The following SV2B variants were observed in gnomAD, a reference collection of about 807,000 sequenced individuals.
SV2B encodes solute carrier family 22 member B2.
Under a neutral mutation model 73.9 loss-of-function variants are expected in SV2B, and 41 were observed. The observed-to-expected ratio is 0.56, with a 90% CI of 0.43 to 0.72. SV2B has a LOEUF of 0.72. Ranked by LOEUF, SV2B falls within the 30% of genes least tolerant of loss-of-function variation. SV2B has a pLI of 0.00. For missense variants in SV2B, 764 were observed against 857.8 expected, an observed-to-expected ratio of 0.89 and a Z score of 1.37; for synonymous variants, 314 against 314.2, an observed-to-expected ratio of 1.00 and a Z score of 0.01.
chr15:91,176,800 C>T (rs1363885964), intron 1 of SV2B, among the ~76,000 whole-genome samples: 4 of 151,384 alleles, frequency 2.6e-5, no homozygotes, highest in Non-Finnish European at 5.9e-5. Context: ...AGCCCTTTGT[C>T]GGATGAGTAG....
At position 91,292,428 on chromosome 15, in the gene SV2B, C is replaced by A; in HGVS notation, c.1928C>A (p.Thr643Asn). Residue 643 changes from threonine (T) to asparagine (N), a missense_variant, in exon 13 of 13, where the codon ACC (threonine) becomes AAC (asparagine). Coordinates refer to ENST00000394232, the MANE Select transcript of SV2B (RefSeq NM_001323032.3). ...LCKFGAILGN[T>N]IFASFVGITK... Reference sequence around the variant, plus strand: ...AAATTTGGCGCCATCCTGGGAAACACCATCTTTGCTTCTTTTGTTGGGATA... The same window carrying A: ...AAATTTGGCGCCATCCTGGGAAACAACATCTTTGCTTCTTTTGTTGGGATA... The A allele has an allele frequency of 3.7e-6, 6 of 1,614,170 alleles. No individual in the cohort carries two copies. Among genetic ancestry groups the A allele is most frequent in the Non-Finnish European group, 4.2e-6 (5 of 1,180,038 alleles).
intron 1 of SV2B, among the ~76,000 whole-genome samples, chr15:91,188,949 C>T (rs560355305): frequency 6.6e-6 from 1 of 152,242 alleles, no homozygotes; most frequent in African/African-American, 2.4e-5. Flanking sequence ...GCCTCGGCCT[C>T]CCAAATAGCT....
Position 91,172,841 on chromosome 15 carries a change from G to A in SV2B, c.-391-53032G>A, listed in dbSNP as rs547585991. Among the ~76,000 whole-genome samples, 7 of 152,174 alleles carry A rather than the reference G, an allele frequency of 4.6e-5. No individual in the cohort carries two copies. In the South Asian group the frequency reaches 1.0e-3, roughly 23 times the overall value. ...ACGTAAAGTACTAAAAACAGTATCT[G>A]GCTCATCATAAAGGTTATATAAATA... is the stretch of plus-strand genomic sequence containing the variant. On this transcript the variant is annotated intron_variant, in intron 1 of 12. Transcript: ENST00000394232.
rs1474482502 is a variant in SV2B, at chr15:91,224,432, A to G, written c.-391-1441A>G. 1.3e-5 allele frequency among the ~76,000 whole-genome samples: 2 copies of G among 152,150 alleles called. No homozygotes were observed. Among genetic ancestry groups the G allele is most frequent in the Non-Finnish European group, 2.9e-5 (2 of 68,008 alleles). Reference sequence around the variant, plus strand: ...GGGGGTGTAGGAGGGGCTGACGCCTAGCCCTGAGGGGCTACTCAGTGAGGC... The same window carrying G: ...GGGGGTGTAGGAGGGGCTGACGCCTGGCCCTGAGGGGCTACTCAGTGAGGC... On this transcript the variant is annotated intron_variant, in intron 1 of 12. Transcript: ENST00000394232. The surrounding 1 kb of genome is among the most constrained non-coding windows in gnomAD (Gnocchi z 4.9).
In SV2B at chr15:91,266,686, C is replaced by T; in HGVS notation, c.1113C>T (p.Phe371=). 6.2e-7 allele frequency: 1 copy of T among 1,612,946 alleles called. No individual in the cohort carries two copies. The highest frequency in any genetic ancestry group is 8.5e-7 in the Non-Finnish European group (1 of 1,179,268). The change falls in exon 7 of 13, where the codon TTC becomes TTT. Residue 371 remains phenylalanine (F), a synonymous_variant. Coordinates refer to ENST00000394232, the MANE Select transcript of SV2B (RefSeq NM_001323032.3). Reference sequence around the variant, plus strand: ...GGCTGGTCAGATTCAAGACCATTTTCAAGCAGGTATGATTGGGAACTTACT... The same window carrying T: ...GGCTGGTCAGATTCAAGACCATTTTTAAGCAGGTATGATTGGGAACTTACT... ...QRWLVRFKTI[F]KQVWDNALYC...
At position 91,123,975 on chromosome 15, in the gene SV2B, C is replaced by T. The variant is rs1443720166; in HGVS notation, c.-392+23612C>T. 6.6e-6 allele frequency among the ~76,000 whole-genome samples: 1 copy of T among 152,122 alleles called. No homozygotes were observed. Among genetic ancestry groups the T allele is most frequent in the East Asian group, 1.9e-4 (1 of 5,186 alleles). On this transcript the variant is annotated intron_variant, in intron 1 of 12. Coordinates refer to ENST00000394232, the MANE Select transcript of SV2B (RefSeq NM_001323032.3). This position sits in a 1 kb window ranked among gnomAD's most constrained non-coding sequence, Gnocchi z 4.7. The stretch of plus-strand genomic sequence containing the variant: ...CCCAGAGAGGTGCCTTGAAGAGGTA[C>T]CTAGAGAAAATATTCAGCTTGCAAG...
chr15:91,239,081 A>C lies in SV2B; in HGVS notation c.451+12367A>C, dbSNP rs142119183. 5.3e-5 allele frequency among the ~76,000 whole-genome samples: 8 copies of C among 152,208 alleles called. No homozygotes were observed. Among genetic ancestry groups the C allele is most frequent in the Admixed American group, 5.2e-4 (8 of 15,272 alleles). ...TGGAAAGTCACAAATATTAGCAGGG[A>C]TGGAAGAAAGGGGGTGTGATAGAAG... On this transcript the variant is annotated intron_variant, in intron 2 of 12. Coordinates refer to ENST00000394232, the MANE Select transcript of SV2B (RefSeq NM_001323032.3). The surrounding 1 kb of genome is among the most constrained non-coding windows in gnomAD (Gnocchi z 5.1).
At position 91,267,617 on chromosome 15, in the gene SV2B, C is replaced by G. The variant is rs139319890; in HGVS notation, c.1182C>G (p.Ala394=). ...ACAGAATGAATACACTGATTCTGGC[C>G]GTGGTTTGGTTTGCCATGGCATTCA... ...GPYRMNTLIL[A]VVWFAMAFSY... Residue 394 remains alanine (A), a synonymous_variant, in exon 8 of 13, where the codon GCC becomes GCG. Transcript: ENST00000394232. This position sits in a 1 kb window ranked among gnomAD's most constrained non-coding sequence, Gnocchi z 4.3. 2 of 1,612,774 alleles carry G rather than the reference C, an allele frequency of 1.2e-6. No homozygotes were observed. Among genetic ancestry groups the G allele is most frequent in the African/African-American group, 1.3e-5 (1 of 74,864 alleles).
chr15:91,206,719 C>T (rs1322791991), intron 1 of SV2B, among the ~76,000 whole-genome samples: 1 of 152,060 alleles, frequency 6.6e-6, no homozygotes, highest in African/African-American at 2.4e-5. Flanking sequence ...AGCTGGTATA[C>T]TCATAGGATA....
intron 1 of SV2B, among the ~76,000 whole-genome samples, chr15:91,207,187 T>C (rs74414625): frequency 5.0e-5 from 7 of 139,032 alleles, no homozygotes; most frequent in Admixed American, 5.0e-4. Flanking sequence ...ATGCCTGGCT[T>C]TTTTTTTTTT....
chr15:91,247,874 T>C (rs192508831), intron 2 of SV2B, among the ~76,000 whole-genome samples: 1 of 152,284 alleles, frequency 6.6e-6, no homozygotes, highest in East Asian at 1.9e-4. Context: ...GGGACAATAA[T>C]TTCATAACTG....
At position 91,110,623 on chromosome 15, in the gene SV2B, C is replaced by G. The variant is rs139938185; in HGVS notation, c.-392+10260C>G. Among the ~76,000 whole-genome samples, 764 of 152,326 alleles carry G rather than the reference C, an allele frequency of 5.0e-3. 8 individuals are homozygous for G. The highest frequency in any genetic ancestry group is 0.018 in the African/African-American group (733 of 41,570). ...TGGAGCCCAGCTGGCACGTGGGAGGCTCTGCGGGAGAGGAAGAGGCACCGT... is the reference window on the plus strand; with the variant it reads ...TGGAGCCCAGCTGGCACGTGGGAGGGTCTGCGGGAGAGGAAGAGGCACCGT... On this transcript the variant is annotated intron_variant, in intron 1 of 12. Coordinates refer to ENST00000394232, the MANE Select transcript of SV2B (RefSeq NM_001323032.3). The surrounding 1 kb of genome is among the most constrained non-coding windows in gnomAD (Gnocchi z 5.4).
chr15:91,256,413 T>A (rs2285624), intron 4 of SV2B, among the ~76,000 whole-genome samples: 23,334 of 152,198 alleles, frequency 0.15, 1,815 homozygotes, highest in Non-Finnish European at 0.17. Flanking sequence ...AAAAGATCTT[T>A]TTGAAGCAGA....
At position 91,284,152 on chromosome 15, in the gene SV2B, C is replaced by A. The variant is rs774774084; in HGVS notation, c.1639C>A (p.Leu547Met). The change falls in exon 11 of 13, where the codon CTG becomes ATG. Residue 547 changes from leucine to methionine, a missense_variant. Physicochemically the swap from Leu to Met is conservative, Grantham distance 15. Transcript: ENST00000394232. This position sits in a 1 kb window ranked among gnomAD's most constrained non-coding sequence, Gnocchi z 4.5. Reference protein sequence around the residue: ...LIYLVSFLGSLSVLPGNIISA... With the variant: ...LIYLVSFLGSMSVLPGNIISA... ...TTACCTCGTCAGCTTCCTGGGCAGC[C>A]TGTCTGTCTTACCCGGGAACATCAT... 17 of 1,614,200 alleles carry A rather than the reference C, an allele frequency of 1.1e-5. No homozygotes were observed. Among genetic ancestry groups the A allele is most frequent in the Admixed American group, 1.7e-5 (1 of 60,030 alleles).
intron 1 of SV2B, among the ~76,000 whole-genome samples, chr15:91,151,529 G>C (rs904663436): frequency 1.3e-5 from 2 of 152,240 alleles, no homozygotes; most frequent in Admixed American, 6.5e-5. Context: ...CTGCATGCCT[G>C]AAGGGCCATT....
chr15:91,250,813 A>G (rs1212526823), intron 2 of SV2B, among the ~76,000 whole-genome samples: 1 of 152,210 alleles, frequency 6.6e-6, no homozygotes, highest in Non-Finnish European at 1.5e-5. Flanking sequence ...AAGAAGACAC[A>G]AATAGATGGA....
chr15:91,245,667 T>G lies in SV2B; in HGVS notation c.452-6152T>G, dbSNP rs1003037163. Among the ~76,000 whole-genome samples, 1 of 152,202 alleles carries G rather than the reference T, an allele frequency of 6.6e-6. No homozygotes were observed. The highest frequency in any genetic ancestry group is 6.5e-5 in the Admixed American group (1 of 15,284). ...GAACTCTCCTCAAGCAAAATCAACATGGTCCCTTCGTCCAGGAGTTTACAG... is the reference window on the plus strand; with the variant it reads ...GAACTCTCCTCAAGCAAAATCAACAGGGTCCCTTCGTCCAGGAGTTTACAG... On this transcript the variant is annotated intron_variant, in intron 2 of 12. Transcript: ENST00000394232. This position sits in a 1 kb window ranked among gnomAD's most constrained non-coding sequence, Gnocchi z 4.2.
At chr15:91,186,761 A>G (rs981616614) in intron 1 of SV2B, among the ~76,000 whole-genome samples, 1 of 152,160 alleles carries the variant, frequency 6.6e-6, no homozygotes, top group African/African-American at 2.4e-5. Context: ...AATGAGTACA[A>G]TGTACACTAT....
chr15:91,211,019 G>C (rs1377442308), intron 1 of SV2B, among the ~76,000 whole-genome samples: 2 of 152,240 alleles, frequency 1.3e-5, no homozygotes, highest in Admixed American at 1.3e-4. Context: ...AGACAGTGAA[G>C]TAAGGCCACA....
Sources: allele counts gnomAD v4.1 joint callset (sites outside exome capture counted in the v4.1 genomes callset), GRCh38; gene constraint gnomAD v4.1.1; non-coding constraint Gnocchi (gnomAD v3.1); transcripts MANE v1.5; gene names NCBI Gene and HGNC (gene_info 2026-07-23, HGNC 2026-07-21).